LRRC7: variants seen among roughly 807,000 people sequenced by gnomAD.
LRRC7 encodes leucine rich repeat containing 7.
LRRC7 carries 23 observed loss-of-function variants against 175.7 expected under a neutral mutation model. The ratio of observed to expected loss-of-function variants is 0.13; its 90% CI spans 0.09 to 0.19. The LOEUF (loss-of-function observed/expected upper bound fraction) is 0.19. Among genes scored for constraint, LRRC7 ranks in the 10% least tolerant of loss-of-function variants. The probability of loss-of-function intolerance (pLI) is 1.00; values close to 1 mark genes in which losing one functional copy is unlikely to be tolerated. For synonymous variants in LRRC7, 685 were observed against 680.9 expected (o/e 1.01, Z -0.09); for missense variants, 1,354 against 1,904.7 (o/e 0.71, Z 5.38).
intron 1 of LRRC7, among the ~76,000 whole-genome samples, chr1:69,611,966 T>C (rs1359669669): frequency 6.6e-6 from 1 of 152,012 alleles, no homozygotes; most frequent in East Asian, 1.9e-4. Flanking sequence ...AAGCATTGAT[T>C]TTGAGGTACA....
chr1:69,655,587 C>T lies in LRRC7; in HGVS notation c.3-22794C>T, dbSNP rs116699472. Among the ~76,000 whole-genome samples the T allele has an allele frequency of 6.5e-3, 994 of 152,050 alleles. 5 individuals carry two copies. Among genetic ancestry groups the T allele is most frequent in the African/African-American group, 0.023 (941 of 41,510 alleles). On this transcript the variant is annotated intron_variant, in intron 1 of 26. Coordinates refer to ENST00000651989, the MANE Select transcript of LRRC7 (RefSeq NM_001370785.2). The stretch of plus-strand genomic sequence containing the variant: ...CATTTTAGCTTGTATTGGGTCACAT[C>T]GCCACTCATAGTCACTGAAAGTTAG...
chr1:69,886,466 T>C lies in LRRC7; in HGVS notation c.648-45041T>C, dbSNP rs1451348377. Reference sequence around the variant, plus strand: ...CCTGCCTTTTTTGGTTTTCCATTTGTTTGGTAGATCTTCCTCCATCCTTTT... The same window carrying C: ...CCTGCCTTTTTTGGTTTTCCATTTGCTTGGTAGATCTTCCTCCATCCTTTT... On this transcript the variant is annotated intron_variant, in intron 7 of 26. Coordinates refer to ENST00000651989, the MANE Select transcript of LRRC7 (RefSeq NM_001370785.2). 6.6e-5 allele frequency among the ~76,000 whole-genome samples: 10 copies of C among 152,218 alleles called. No homozygotes were observed. The South Asian group carries it at 1.9e-3, about 28-fold the overall frequency.
At chr1:69,873,771 A>C (rs1685783754) in intron 7 of LRRC7, 1 of 157,398 alleles carries the variant, frequency 6.4e-6, no homozygotes, top group East Asian at 1.8e-4. Flanking sequence ...TTTTTTCCAA[A>C]TGTGTTCAGT....
intron 25 of LRRC7, among the ~76,000 whole-genome samples, chr1:70,090,117 T>C (rs1285070554): frequency 6.6e-6 from 1 of 152,162 alleles, no homozygotes; most frequent in Admixed American, 6.6e-5. Flanking sequence ...TTGTCTATAT[T>C]TGTAAAGAAA....
At chr1:69,730,456 G>A (rs930835900) in intron 2 of LRRC7, among the ~76,000 whole-genome samples, 12 of 152,092 alleles carry the variant, frequency 7.9e-5, no homozygotes, top group East Asian at 1.9e-4. Flanking sequence ...CTCAAGGGCA[G>A]GGACAAAATG....
intron 2 of LRRC7, among the ~76,000 whole-genome samples, chr1:69,720,445 C>G (rs991706914): frequency 2.6e-5 from 4 of 151,612 alleles, no homozygotes; most frequent in Admixed American, 2.0e-4. Flanking sequence ...TTAAGGATTA[C>G]TTAGAACCTA....
chr1:69,768,316 T>G (rs919595356), intron 3 of LRRC7, among the ~76,000 whole-genome samples: 1 of 152,176 alleles, frequency 6.6e-6, no homozygotes, highest in Non-Finnish European at 1.5e-5. Context: ...CTCGGAGACT[T>G]TACCCTTGGT....
intron 1 of LRRC7, among the ~76,000 whole-genome samples, chr1:69,668,317 C>T (rs759742007): frequency 5.3e-5 from 8 of 152,010 alleles, no homozygotes; most frequent in South Asian, 2.1e-4. Context: ...CCCGACAGGC[C>T]GCAGTGTGTG....
intron 1 of LRRC7, among the ~76,000 whole-genome samples, chr1:69,580,325 TA>T (rs1367942513): frequency 6.6e-6 from 1 of 152,150 alleles, no homozygotes; most frequent in East Asian, 1.9e-4. Context: ...TATGACTGGT[TA>T]AAAATATAAT....
Position 70,038,932 on chromosome 1 carries a change from G to A in LRRC7, c.3108G>A (p.Gln1036=). Residue 1036 remains glutamine, a synonymous_variant, in exon 21 of 27, where the codon CAG becomes CAA. Transcript: ENST00000651989. ...GTATGTCCAGTATGTCTCGAAGCCA[G>A]TCAGTCCCAATGCTGGATGATGAGA... ...EHGMSSMSRS[Q]SVPMLDDEML... The A allele has an allele frequency of 6.2e-7, 1 of 1,614,052 alleles. No homozygotes were observed. Among genetic ancestry groups the A allele is most frequent in the Non-Finnish European group, 8.5e-7 (1 of 1,180,012 alleles).
In LRRC7 at chr1:70,125,742, A is replaced by G. The variant is rs1203899911; in HGVS notation, c.*3855A>G. Among the ~76,000 whole-genome samples the G allele has an allele frequency of 2.2e-5, 3 of 133,506 alleles. No individual in the cohort carries two copies. Among genetic ancestry groups the G allele is most frequent in the Non-Finnish European group, 3.1e-5 (2 of 63,970 alleles). The allele number at this position is 133,506 out of a possible 152,430, so 87.6% of individuals were successfully genotyped here. On this transcript the variant is annotated 3_prime_UTR_variant, in exon 27 of 27. Transcript: ENST00000651989. ...AGGAGGCGGAGCTTGCAGTGAGCCGAGATCCCGCCACTGCACTCCAGCCTG... is the reference window on the plus strand; with the variant it reads ...AGGAGGCGGAGCTTGCAGTGAGCCGGGATCCCGCCACTGCACTCCAGCCTG...
chr1:69,773,857 A>G (rs1214348721), intron 3 of LRRC7, among the ~76,000 whole-genome samples: 2 of 152,216 alleles, frequency 1.3e-5, no homozygotes, highest in Non-Finnish European at 2.9e-5. Context: ...TAAAGGGTAT[A>G]CAACTAGAAA....
intron 1 of LRRC7, among the ~76,000 whole-genome samples, chr1:69,664,422 T>A (rs1484575402): frequency 6.6e-6 from 1 of 152,170 alleles, no homozygotes; most frequent in Non-Finnish European, 1.5e-5. Flanking sequence ...TACATTCCTA[T>A]CAGCTGTGTA....
In LRRC7 at chr1:70,130,029, G is replaced by A. The variant is rs1287984426; in HGVS notation, c.*8142G>A. ...AATCATATGCAGCCTTCAGAGCCCA[G>A]CTCAAACAGCACTAGAACCATGAAA... On this transcript the variant is annotated 3_prime_UTR_variant, in exon 27 of 27. Coordinates refer to ENST00000651989, the MANE Select transcript of LRRC7 (RefSeq NM_001370785.2). 1 of 152,104 alleles carries A rather than the reference G, an allele frequency of 6.6e-6. No homozygotes were observed. Among genetic ancestry groups the A allele is most frequent in the Admixed American group, 6.5e-5 (1 of 15,268 alleles). The allele number at this position is 152,104 out of a possible 1,614,324, so 9.4% of individuals were successfully genotyped here. A position where few individuals can be genotyped will look rare whatever the true frequency, so the allele number is the denominator to read the frequency against.
At chr1:70,083,619 T>C (rs1034897462) in intron 24 of LRRC7, among the ~76,000 whole-genome samples, 2 of 152,216 alleles carry the variant, frequency 1.3e-5, no homozygotes, top group African/African-American at 4.8e-5. Context: ...GAAGTTTATA[T>C]GCAATTAGCT....
chr1:69,962,937 CT>C (rs1557935462), intron 8 of LRRC7, among the ~76,000 whole-genome samples: 4 of 151,984 alleles, frequency 2.6e-5, no homozygotes, highest in African/African-American at 9.7e-5. Flanking sequence ...ACATATTTAC[CT>C]GTGTAACAAT....
rs1666388113 is a variant in LRRC7, at chr1:70,125,112, G to C, written c.*3225G>C. ...CATACATAGTAACTCCAAAGTATAA[G>C]TGCATTTTTGACAAGGAATATTCAA... On this transcript the variant is annotated 3_prime_UTR_variant, in exon 27 of 27. Transcript: ENST00000651989. 6.6e-6 allele frequency among the ~76,000 whole-genome samples: 1 copy of C among 152,200 alleles called. No homozygotes were observed. The highest frequency in any genetic ancestry group is 6.5e-5 in the Admixed American group (1 of 15,282).
At position 69,964,622 on chromosome 1, in the gene LRRC7, A is replaced by G. The variant is rs142091791; in HGVS notation, c.712-15757A>G. On this transcript the variant is annotated intron_variant, in intron 8 of 26. Coordinates refer to ENST00000651989, the MANE Select transcript of LRRC7 (RefSeq NM_001370785.2). ...TATGTTCATTGATAGATGAGTCACT[A>G]TTTCTCAAAGGAAATCAGATTATTT... 8.1e-4 allele frequency among the ~76,000 whole-genome samples: 123 copies of G among 152,326 alleles called. 1 individual carries two copies. Among genetic ancestry groups the G allele is most frequent in the Non-Finnish European group, 1.6e-3 (106 of 68,018 alleles).
intron 8 of LRRC7, among the ~76,000 whole-genome samples, chr1:69,955,443 G>A (rs1650390801): frequency 6.6e-6 from 1 of 151,904 alleles, no homozygotes; most frequent in African/African-American, 2.4e-5. Flanking sequence ...AGAGGCAGCA[G>A]GAAAGAGCAT....
Sources: gnomAD v4.1 joint callset for allele counts (sites outside exome capture counted in the v4.1 genomes callset) on GRCh38, gnomAD v4.1.1 for gene constraint, MANE v1.5 for transcripts, NCBI Gene and HGNC (gene_info 2026-07-23, HGNC 2026-07-21) for gene names.